Variants in PDSS2 observed in about 807,000 individuals in gnomAD.
PDSS2 encodes the protein all trans-polyprenyl-diphosphate synthase PDSS2.
A neutral mutation model predicts 44.5 loss-of-function variants in PDSS2; 31 were observed. The ratio of observed to expected loss-of-function variants is 0.70; its 90% confidence interval spans 0.52 to 0.94. The LOEUF (loss-of-function observed/expected upper bound fraction) is 0.94. PDSS2 is among the 40% of genes least tolerant of loss of function. PDSS2 has a pLI of 0.00. For missense variants in PDSS2, 452 were observed against 482.2 expected (o/e 0.94, Z 0.59); for synonymous variants, 157 against 180.3 (o/e 0.87, Z 1.03).
At chr6:107,347,173 T>C (rs1380009662) in intron 1 of PDSS2, among the ~76,000 whole-genome samples, 1 of 151,966 alleles carries the variant, frequency 6.6e-6, no homozygotes, top group Non-Finnish European at 1.5e-5. Flanking sequence ...TTGCAGCATA[T>C]GGCCCTGTGC....
intron 7 of PDSS2, among the ~76,000 whole-genome samples, chr6:107,176,647 C>T (rs1771800102): frequency 6.6e-6 from 1 of 152,108 alleles, no homozygotes; most frequent in Non-Finnish European, 1.5e-5. Context: ...TGTGAGTTCA[C>T]GCTGTGGCCT....
At chr6:107,365,614 A>G (rs1352115583) in intron 1 of PDSS2, among the ~76,000 whole-genome samples, 1 of 152,182 alleles carries the variant, frequency 6.6e-6, no homozygotes, top group Non-Finnish European at 1.5e-5. Flanking sequence ...ACCTAACTAC[A>G]TGCTTTCTCC....
intron 2 of PDSS2, among the ~76,000 whole-genome samples, chr6:107,313,813 T>C (rs1475030026): frequency 1.3e-5 from 2 of 152,172 alleles, no homozygotes; most frequent in Non-Finnish European, 2.9e-5. Flanking sequence ...TTGTTTCGTA[T>C]GAAATAACAT....
chr6:107,198,342 A>C (rs1230545861), intron 6 of PDSS2, among the ~76,000 whole-genome samples: 2 of 152,224 alleles, frequency 1.3e-5, no homozygotes, highest in African/African-American at 4.8e-5. Context: ...AGAAGCCTAC[A>C]TAAAATGACA....
intron 2 of PDSS2, among the ~76,000 whole-genome samples, chr6:107,324,222 T>G (rs1777469871): frequency 6.6e-6 from 1 of 152,208 alleles, no homozygotes. Context: ...GAGTTTACAT[T>G]TACTGTTGTA....
At chr6:107,176,743 A>G (rs1477656313) in intron 7 of PDSS2, among the ~76,000 whole-genome samples, 1 of 152,222 alleles carries the variant, frequency 6.6e-6, no homozygotes, top group Admixed American at 6.5e-5. Context: ...ACTACTGTAT[A>G]TGTATAAATA....
chr6:107,194,866 A>T (rs186331933), intron 6 of PDSS2, among the ~76,000 whole-genome samples: 13 of 152,134 alleles, frequency 8.5e-5, no homozygotes, highest in Non-Finnish European at 1.5e-4. Context: ...AGACAAGAAA[A>T]TCGCTTGAAC....
chr6:107,397,470 T>C (rs1198907446), intron 1 of PDSS2, among the ~76,000 whole-genome samples: 1 of 152,226 alleles, frequency 6.6e-6, no homozygotes. Flanking sequence ...TGTGAGTACA[T>C]GTCTTTTTTA....
intron 1 of PDSS2, among the ~76,000 whole-genome samples, chr6:107,426,152 G>C (rs1780995961): frequency 6.6e-6 from 1 of 152,068 alleles, no homozygotes; most frequent in Admixed American, 6.6e-5. Context: ...TGATTTTATG[G>C]ACCAGGCCCA....
intron 1 of PDSS2, among the ~76,000 whole-genome samples, chr6:107,362,823 G>T (rs1778822134): frequency 6.6e-6 from 1 of 152,096 alleles, no homozygotes; most frequent in Admixed American, 6.5e-5. Context: ...TCAGTAAAAA[G>T]ATAGAAAATA....
chr6:107,452,353 C>T (rs1319149761), intron 1 of PDSS2, among the ~76,000 whole-genome samples: 1 of 151,976 alleles, frequency 6.6e-6, no homozygotes, highest in Non-Finnish European at 1.5e-5. Flanking sequence ...CTGCCTAAGC[C>T]TCTGGTGTAG....
Position 107,339,067 on chromosome 6 carries a change from A to T in PDSS2, c.297-4735T>A, listed in dbSNP as rs993843405. Among the ~76,000 whole-genome samples the T allele has an allele frequency of 2.6e-5, 4 of 152,170 alleles. No homozygotes were observed. The South Asian group carries it at 6.2e-4, about 24-fold the overall frequency. On this transcript the variant is annotated intron_variant, in intron 1 of 7. Coordinates refer to ENST00000369037, the MANE Select transcript of PDSS2 (RefSeq NM_020381.4). ...ACTGATGCTAATGGACACAAACTATAGCAGGCCAATTCTGGCTCAAAGAAA... is the reference window on the plus strand; with the variant it reads ...ACTGATGCTAATGGACACAAACTATTGCAGGCCAATTCTGGCTCAAAGAAA...
intron 3 of PDSS2, among the ~76,000 whole-genome samples, chr6:107,260,821 G>T (rs1298698200): frequency 2.6e-5 from 4 of 151,832 alleles, no homozygotes. Context: ...CCGCCACTAT[G>T]CCCGGCTAAT....
intron 1 of PDSS2, among the ~76,000 whole-genome samples, chr6:107,434,694 T>G (rs1189547160): frequency 6.6e-6 from 1 of 152,110 alleles, no homozygotes; most frequent in Non-Finnish European, 1.5e-5. Context: ...CACAACAGTG[T>G]GACTACATTT....
chr6:107,293,504 G>A (rs921339373), intron 2 of PDSS2, among the ~76,000 whole-genome samples: 2 of 152,102 alleles, frequency 1.3e-5, no homozygotes, highest in African/African-American at 2.4e-5. Context: ...TTTCTGCCGC[G>A]GTACGGGAGT....
chr6:107,418,184 G>C (rs1780722659), intron 1 of PDSS2, among the ~76,000 whole-genome samples: 1 of 152,174 alleles, frequency 6.6e-6, no homozygotes, highest in Non-Finnish European at 1.5e-5. Flanking sequence ...GTATGATTAA[G>C]TTAAAGATCT....
intron 1 of PDSS2, among the ~76,000 whole-genome samples, chr6:107,426,631 G>T (rs180734604): frequency 1.4e-4 from 22 of 152,274 alleles, no homozygotes; most frequent in African/African-American, 5.1e-4. Context: ...CAGCCAAGAG[G>T]GTGGCTGTAC....
At chr6:107,363,692 C>A (rs1451955809) in intron 1 of PDSS2, among the ~76,000 whole-genome samples, 1 of 152,162 alleles carries the variant, frequency 6.6e-6, no homozygotes, top group East Asian at 1.9e-4. Context: ...GCTCGGGCAG[C>A]CTGCTTTTAT....
chr6:107,243,085 T>G (rs571454033), intron 4 of PDSS2, among the ~76,000 whole-genome samples: 1 of 152,312 alleles, frequency 6.6e-6, no homozygotes, highest in African/African-American at 2.4e-5. Flanking sequence ...AAAGACTTTG[T>G]TGCTTCTTCT....
Sources: gnomAD v4.1 joint callset for allele counts (sites outside exome capture counted in the v4.1 genomes callset) on GRCh38, gnomAD v4.1.1 for gene constraint, MANE v1.5 for transcripts, NCBI Gene and HGNC (gene_info 2026-07-23, HGNC 2026-07-21) for gene names.